TRPM3: variants seen among roughly 807,000 people sequenced by gnomAD.
TRPM3 encodes the protein long transient receptor potential channel 3.
Under a neutral mutation model 181.2 loss-of-function variants are expected in TRPM3, and 77 were observed. The ratio of observed to expected loss-of-function variants is 0.42; its 90% CI spans 0.35 to 0.51. The LOEUF (loss-of-function observed/expected upper bound fraction) is 0.51, where lower values mean the gene tolerates loss of function less well. Among genes scored for constraint, TRPM3 ranks in the 20% least tolerant of loss-of-function variants. The probability of loss-of-function intolerance (pLI) is 0.01; values close to 1 mark genes in which losing one functional copy is unlikely to be tolerated. For missense variants in TRPM3, 1,759 were observed against 2,196.7 expected, an observed-to-expected ratio of 0.80 and a Z score of 3.98; for synonymous variants, 745 against 796.4, an observed-to-expected ratio of 0.94 and a Z score of 1.09.
rs191428264 is a variant in TRPM3, at chr9:70,799,226, G to A, written c.974-14947C>T. On this transcript the variant is annotated intron_variant, in intron 6 of 25. Transcript: ENST00000677713. ...AATTCTGTTCCCACTGAGGTGATTG[G>A]TATGTTTTCACAGCTCAAGTGCTGT... Among the ~76,000 whole-genome samples the A allele has an allele frequency of 1.1e-4, 16 of 152,268 alleles. No individual in the cohort carries two copies. In the East Asian group the frequency reaches 1.7e-3, roughly 17 times the overall value.
At chr9:70,673,066 G>C (rs1441046554) in intron 9 of TRPM3, among the ~76,000 whole-genome samples, 1 of 152,126 alleles carries the variant, frequency 6.6e-6, no homozygotes, top group Non-Finnish European at 1.5e-5. Flanking sequence ...GAAGAGACAT[G>C]GGTTTAAGCT....
chr9:71,116,590 A>T (rs1319250642), intron 1 of TRPM3, among the ~76,000 whole-genome samples: 1 of 152,136 alleles, frequency 6.6e-6, no homozygotes, highest in African/African-American at 2.4e-5. Flanking sequence ...AAACATTAGC[A>T]CTTGGGCAGA....
intron 1 of TRPM3, among the ~76,000 whole-genome samples, chr9:70,878,235 A>G (rs2095908205): frequency 6.6e-6 from 1 of 152,038 alleles, no homozygotes; most frequent in African/African-American, 2.4e-5. Flanking sequence ...CACTTTGCTT[A>G]CAGTTCTAAT....
At chr9:70,978,403 A>G (rs1160457297) in intron 1 of TRPM3, among the ~76,000 whole-genome samples, 1 of 152,150 alleles carries the variant, frequency 6.6e-6, no homozygotes, top group African/African-American at 2.4e-5. Flanking sequence ...TGCCTTTAAT[A>G]CAGTATATTT....
intron 3 of TRPM3, 88 bp from the exon 4 acceptor site, chr9:70,846,679 TA>T: frequency 1.8e-6 from 2 of 1,103,202 alleles, no homozygotes; most frequent in Non-Finnish European, 2.7e-6. Context: ...TATGTGTAGT[TA>T]TGTGACAAAA....
At position 71,339,263 on chromosome 9, in the gene TRPM3, A is replaced by G. The variant is rs1185242838; in HGVS notation, c.183+107390T>C. Among the ~76,000 whole-genome samples the G allele has an allele frequency of 3.9e-5, 6 of 152,172 alleles. No individual in the cohort carries two copies. The East Asian group carries it at 9.6e-4, about 24-fold the overall frequency. On this transcript the variant is annotated intron_variant, in intron 1 of 24. Transcript: ENST00000357533. ...CAAATATCAAGATGTTAGTTATGTC[A>G]AAGTTAATTCATAAACTTAATGTGA... is the stretch of plus-strand genomic sequence containing the variant.
chr9:70,971,264 C>T (rs2097242138), intron 1 of TRPM3, among the ~76,000 whole-genome samples: 1 of 152,138 alleles, frequency 6.6e-6, no homozygotes, highest in Non-Finnish European at 1.5e-5. Flanking sequence ...TTCACCCTGC[C>T]CTCACACTGA....
intron 6 of TRPM3, among the ~76,000 whole-genome samples, chr9:70,785,387 T>C (rs955985530): frequency 3.3e-5 from 5 of 152,214 alleles, no homozygotes; most frequent in African/African-American, 4.8e-5. Flanking sequence ...ATTGAATAAC[T>C]TCCTTTTGTT....
Position 71,237,070 on chromosome 9 carries a change from A to G in TRPM3, c.183+209583T>C, listed in dbSNP as rs1340775587. Among the ~76,000 whole-genome samples, 429 of 130,010 alleles carry G rather than the reference A, an allele frequency of 3.3e-3. 4 individuals are homozygous for G. Among genetic ancestry groups the G allele is most frequent in the African/African-American group, 0.011 (379 of 33,108 alleles). The allele number at this position is 130,010 out of a possible 152,430, so 85.3% of individuals were successfully genotyped here. A position where few individuals can be genotyped will look rare whatever the true frequency, so the allele number is the denominator to read the frequency against. On this transcript the variant is annotated intron_variant, in intron 1 of 24. Transcript: ENST00000357533. ...AAAAAAAAAAAAAAAAGGGGGGGGG[A>G]AAAAAAGAAAGGAAAGGGAAGGGGG...
At chr9:71,151,982 C>T (rs2075760478) in intron 1 of TRPM3, among the ~76,000 whole-genome samples, 1 of 152,126 alleles carries the variant, frequency 6.6e-6, no homozygotes, top group Non-Finnish European at 1.5e-5. Flanking sequence ...GATATATCTA[C>T]TTTTCCTTTT....
chr9:70,961,598 G>A (rs890311333), intron 1 of TRPM3, among the ~76,000 whole-genome samples: 1 of 152,190 alleles, frequency 6.6e-6, no homozygotes, highest in South Asian at 2.1e-4. Context: ...GACTACCTTA[G>A]ATGTCCTCTT....
At chr9:71,333,279 G>T (rs2090339702) in intron 1 of TRPM3, among the ~76,000 whole-genome samples, 1 of 151,930 alleles carries the variant, frequency 6.6e-6, no homozygotes, top group South Asian at 2.1e-4. Flanking sequence ...AAGTGTCTGT[G>T]CTGTGAAAAC....
intron 1 of TRPM3, among the ~76,000 whole-genome samples, chr9:71,223,826 G>A (rs1046823571): frequency 7.2e-5 from 11 of 152,196 alleles, no homozygotes; most frequent in Admixed American, 6.5e-5. Context: ...AGAAAGAATG[G>A]GAAAGATTTT....
At chr9:71,231,115 C>T (rs1011903949) in intron 1 of TRPM3, among the ~76,000 whole-genome samples, 3 of 152,126 alleles carry the variant, frequency 2.0e-5, no homozygotes, top group Non-Finnish European at 4.4e-5. Context: ...GAATTATGAT[C>T]CCCTCAAAGA....
At chr9:70,554,601 G>A (rs990316998) in intron 22 of TRPM3, among the ~76,000 whole-genome samples, 1 of 152,120 alleles carries the variant, frequency 6.6e-6, no homozygotes. Flanking sequence ...AATTGAATCA[G>A]AATCCCTGAG....
chr9:71,391,329 C>A (rs1428179891), intron 1 of TRPM3, among the ~76,000 whole-genome samples: 3 of 151,898 alleles, frequency 2.0e-5, no homozygotes, highest in Admixed American at 1.3e-4. Context: ...AATTAAAGTT[C>A]AAGTAACTGA....
chr9:70,641,830 G>A (rs1326800261), intron 9 of TRPM3, among the ~76,000 whole-genome samples: 1 of 152,200 alleles, frequency 6.6e-6, no homozygotes, highest in African/African-American at 2.4e-5. Context: ...TGGAGGCAGT[G>A]CAGTAACGAA....
chr9:70,888,362 G>T (rs961751279), intron 1 of TRPM3, among the ~76,000 whole-genome samples: 6 of 143,728 alleles, frequency 4.2e-5, no homozygotes, highest in Admixed American at 3.5e-4. Context: ...TTTATTTTGG[G>T]GTGTGTGTGT....
chr9:70,686,372 C>T (rs980770153), intron 8 of TRPM3, among the ~76,000 whole-genome samples: 7 of 152,194 alleles, frequency 4.6e-5, no homozygotes, highest in African/African-American at 1.7e-4. Context: ...TCTGTATATG[C>T]ACATGGGTGA....
Sources: gnomAD v4.1 joint callset for allele counts (sites outside exome capture counted in the v4.1 genomes callset) on GRCh38, gnomAD v4.1.1 for gene constraint, MANE v1.5 for transcripts, NCBI Gene and HGNC (gene_info 2026-07-23, HGNC 2026-07-21) for gene names.